SAP30BP: variants seen among roughly 807,000 people sequenced by gnomAD.
SAP30BP encodes the protein SAP30 binding protein, also known as SAP30-binding protein.
SAP30BP carries 31 observed loss-of-function variants against 46.3 expected under a neutral mutation model. The observed-to-expected ratio is 0.67, with a 90% CI of 0.50 to 0.90. The LOEUF (loss-of-function observed/expected upper bound fraction) is 0.90, where lower values mean the gene tolerates loss of function less well. Among genes scored for constraint, SAP30BP ranks in the 40% least tolerant of loss-of-function variants. The probability of loss-of-function intolerance (pLI) is 0.00; values close to 1 mark genes in which losing one functional copy is unlikely to be tolerated. For missense variants in SAP30BP, 312 were observed against 391.0 expected (o/e 0.80, Z 1.70); for synonymous variants, 169 against 144.2 (o/e 1.17, Z -1.23).
chr17:75,703,381 GCA>G lies in SAP30BP; in HGVS notation c.549+14_549+15del, dbSNP rs750695501. 16 of 1,612,988 alleles carry G rather than the reference GCA, an allele frequency of 9.9e-6. No homozygotes were observed. Among genetic ancestry groups the G allele is most frequent in the Non-Finnish European group, 2.5e-6 (3 of 1,179,488 alleles). On this transcript the variant is annotated intron_variant, in intron 7 of 10. Coordinates refer to ENST00000584667, the MANE Select transcript of SAP30BP (RefSeq NM_013260.8). ...CACCAACTACCCAAAGGTGCGTCTG[GCA>G]CACGGGGCTGGAGGGTGATGGGGAC... is the stretch of plus-strand genomic sequence containing the variant.
chr17:75,682,171 A>C (rs1372060894), intron 3 of SAP30BP, among the ~76,000 whole-genome samples: 1 of 151,848 alleles, frequency 6.6e-6, no homozygotes, highest in Admixed American at 6.6e-5. Context: ...TAATCTCATG[A>C]TGCTAACCAT....
intron 2 of SAP30BP, among the ~76,000 whole-genome samples, chr17:75,670,521 T>A (rs377721940): frequency 3.9e-5 from 2 of 51,600 alleles, no homozygotes; most frequent in Non-Finnish European, 1.8e-4. Context: ...CATAACTCTT[T>A]TCTTTAGTAC....
intron 3 of SAP30BP, among the ~76,000 whole-genome samples, chr17:75,675,117 T>G (rs375405162): frequency 1.9e-4 from 29 of 152,116 alleles, no homozygotes; most frequent in African/African-American, 7.0e-4. Context: ...CTAGGTGGCA[T>G]TCTCCTTTCT....
At chr17:75,690,680 G>A (rs569428148) in intron 3 of SAP30BP, 39 of 456,566 alleles carry the variant, frequency 8.5e-5, no homozygotes, top group African/African-American at 7.0e-4. Context: ...GGAGAAGCTC[G>A]GCACAGTGAC....
intron 3 of SAP30BP, among the ~76,000 whole-genome samples, chr17:75,678,682 T>G (rs1316174967): frequency 6.6e-6 from 1 of 152,082 alleles, no homozygotes; most frequent in African/African-American, 2.4e-5. Flanking sequence ...AAGAGCAGAT[T>G]CCATGTTTTA....
chr17:75,695,823 G>A (rs1193906131), intron 4 of SAP30BP, among the ~76,000 whole-genome samples: 1 of 152,128 alleles, frequency 6.6e-6, no homozygotes, highest in Non-Finnish European at 1.5e-5. Flanking sequence ...CCTTGACAGA[G>A]CCGAGCATGC....
At chr17:75,681,591 G>A (rs965338668) in intron 3 of SAP30BP, among the ~76,000 whole-genome samples, 11 of 152,228 alleles carry the variant, frequency 7.2e-5, no homozygotes, top group Non-Finnish European at 1.3e-4. Context: ...CCAGGAATTT[G>A]TTGTTGACTG....
At chr17:75,670,209 C>T (rs2059887938) in intron 2 of SAP30BP, among the ~76,000 whole-genome samples, 1 of 151,964 alleles carries the variant, frequency 6.6e-6, no homozygotes. Context: ...GTAGTCCCAC[C>T]TACTCGGGAG....
chr17:75,701,789 C>T (rs1471743508), intron 5 of SAP30BP, among the ~76,000 whole-genome samples: 1 of 152,156 alleles, frequency 6.6e-6, no homozygotes, highest in African/African-American at 2.4e-5. Flanking sequence ...TTAGTCCCTG[C>T]GTATCAACAC....
intron 2 of SAP30BP, 129 bp from the exon 3 acceptor site, chr17:75,671,687 G>A (rs77470975): frequency 0.011 from 8,132 of 723,410 alleles, 289 homozygotes; most frequent in South Asian, 0.077. Context: ...TTATATGGTA[G>A]GGGAGGGATT....
At chr17:75,702,720 G>T in intron 6 of SAP30BP, 149 bp downstream of exon 6, 1 of 504,826 alleles carries the variant, frequency 2.0e-6, no homozygotes, top group Non-Finnish European at 3.7e-6. Flanking sequence ...GGACATGGCG[G>T]ACTGTGCTAA....
chr17:75,670,744 C>T (rs1442843717), intron 2 of SAP30BP, among the ~76,000 whole-genome samples: 1 of 152,152 alleles, frequency 6.6e-6, no homozygotes. Context: ...GCATTTAAAG[C>T]CTTGGACTCA....
intron 3 of SAP30BP, among the ~76,000 whole-genome samples, chr17:75,673,936 GA>G (rs2059944537): frequency 6.6e-6 from 1 of 152,228 alleles, no homozygotes; most frequent in Non-Finnish European, 1.5e-5. Flanking sequence ...ACTGTGGAAT[GA>G]AAAGTTTTCA....
At chr17:75,700,001 T>C (rs1599163822) in intron 5 of SAP30BP, 130 bp downstream of exon 5, 1 of 661,866 alleles carries the variant, frequency 1.5e-6, no homozygotes, top group Non-Finnish European at 2.6e-6. Flanking sequence ...AACTGACAGG[T>C]GGGAAGGATC....
At chr17:75,671,742 G>C in intron 2 of SAP30BP, 74 bp from the exon 3 acceptor site, 1 of 1,159,396 alleles carries the variant, frequency 8.6e-7, no homozygotes, top group Non-Finnish European at 1.3e-6. Flanking sequence ...GTTTGCTCCG[G>C]CCCCTAGTTA....
intron 2 of SAP30BP, among the ~76,000 whole-genome samples, chr17:75,669,099 G>C (rs1251515238): frequency 6.6e-6 from 1 of 150,544 alleles, no homozygotes; most frequent in African/African-American, 2.4e-5. Flanking sequence ...TTTGAGATAG[G>C]GTCTCACTCT....
chr17:75,669,777 T>C (rs1415159733), intron 2 of SAP30BP, among the ~76,000 whole-genome samples: 1 of 152,170 alleles, frequency 6.6e-6, no homozygotes, highest in African/African-American at 2.4e-5. Flanking sequence ...TGAAGTTCAG[T>C]AGGTGCTGGA....
At chr17:75,692,659 GA>G (rs2148405523) in intron 3 of SAP30BP, 1 of 266,514 alleles carries the variant, frequency 3.8e-6, no homozygotes, top group South Asian at 1.4e-4. Context: ...GTGAAATCCA[GA>G]AAACGTCTAA....
intron 5 of SAP30BP, among the ~76,000 whole-genome samples, chr17:75,701,148 G>C (rs1257780576): frequency 6.6e-6 from 1 of 152,128 alleles, no homozygotes; most frequent in Non-Finnish European, 1.5e-5. Flanking sequence ...AAGGGGAGTG[G>C]ATCACCCCTC....
Sources: allele counts gnomAD v4.1 joint callset (sites outside exome capture counted in the v4.1 genomes callset), GRCh38; gene constraint gnomAD v4.1.1; transcripts MANE v1.5; gene names NCBI Gene and HGNC (gene_info 2026-07-23, HGNC 2026-07-21).